The following DMXL1 variants were observed in gnomAD, a reference collection of about 807,000 sequenced individuals.
The protein encoded by DMXL1 is Dmx like 1, also known as dmX-like protein 1.
In DMXL1, 99 loss-of-function variants were observed where a neutral mutation model predicts 319.2. The ratio of observed to expected loss-of-function variants is 0.31; its 90% CI spans 0.26 to 0.37. The LOEUF (loss-of-function observed/expected upper bound fraction) is 0.37. DMXL1 is among the 10% of genes least tolerant of loss of function. DMXL1 has a pLI of 1.00. For synonymous variants in DMXL1, 1,385 were observed against 1,235.2 expected (o/e 1.12, Z -2.54); for missense variants, 3,745 against 3,595.6 (o/e 1.04, Z -1.06).
intron 10 of DMXL1, among the ~76,000 whole-genome samples, chr5:119,131,105 G>A (rs1398221869): frequency 7.0e-6 from 1 of 143,370 alleles, no homozygotes; most frequent in African/African-American, 2.6e-5. Flanking sequence ...TTATATTTTT[G>A]CCCTTCTGTG....
At chr5:119,078,437 AT>A (rs1380005014) in intron 1 of DMXL1, among the ~76,000 whole-genome samples, 1 of 152,030 alleles carries the variant, frequency 6.6e-6, no homozygotes, top group African/African-American at 2.4e-5. Flanking sequence ...CTTAGCACAT[AT>A]TTGTGAGATA....
At chr5:119,150,485 T>G (rs1246519263) in intron 18 of DMXL1, 64 bp downstream of exon 18, 29 of 1,484,690 alleles carry the variant, frequency 2.0e-5, no homozygotes, top group South Asian at 1.7e-4. Flanking sequence ...TTTTAAATAA[T>G]TTTTATTAAA....
intron 1 of DMXL1, among the ~76,000 whole-genome samples, chr5:119,094,632 A>G (rs1755523588): frequency 2.0e-5 from 3 of 152,224 alleles, no homozygotes; most frequent in Non-Finnish European, 4.4e-5. Context: ...TATAGCTGCT[A>G]TAGATAATGA....
chr5:119,234,398 G>A (rs73790997), intron 39 of DMXL1, among the ~76,000 whole-genome samples: 2,740 of 152,126 alleles, frequency 0.018, 84 homozygotes, highest in African/African-American at 0.062. Flanking sequence ...TCTAACTGAT[G>A]GTTCACCTTG....
In DMXL1 at chr5:119,071,459, C is replaced by A; in HGVS notation, c.-111C>A. On this transcript the variant is annotated 5_prime_UTR_variant, in exon 1 of 44. Transcript: ENST00000539542. ...CTCCAGGCGCCTGTCGCTGCTTCTGCCGTCGCCACCGAAGAGCGGCCGCCG... is the reference window on the plus strand; with the variant it reads ...CTCCAGGCGCCTGTCGCTGCTTCTGACGTCGCCACCGAAGAGCGGCCGCCG... 1.9e-6 allele frequency: 2 copies of A among 1,075,694 alleles called. No individual in the cohort carries two copies. The highest frequency in any genetic ancestry group is 1.4e-6 in the Non-Finnish European group (1 of 724,530). The allele number at this position is 1,075,694 out of a possible 1,614,324, so 66.6% of individuals were successfully genotyped here.
At chr5:119,156,863 A>T (rs1210345226) in intron 19 of DMXL1, among the ~76,000 whole-genome samples, 2 of 152,068 alleles carry the variant, frequency 1.3e-5, no homozygotes, top group East Asian at 3.9e-4. Context: ...CTGATAATAG[A>T]CATTCTAGCA....
intron 5 of DMXL1, among the ~76,000 whole-genome samples, chr5:119,111,329 G>T (rs1759544046): frequency 1.3e-5 from 2 of 152,110 alleles, no homozygotes; most frequent in South Asian, 2.1e-4. Context: ...TCCAAATTGA[G>T]ATGTGCTGGA....
chr5:119,077,754 A>AGTGTTTGTGTGT (rs376449707), intron 1 of DMXL1, among the ~76,000 whole-genome samples: 19 of 125,336 alleles, frequency 1.5e-4, no homozygotes, highest in South Asian at 5.1e-4. Context: ...TTATTTTTTA[A>AGTGTTTGTGTGT]GTGTGTGTGT....
rs372954667 is a variant in DMXL1 at position 119,205,275 on chromosome 5, A to G, written c.7864-1559A>G. Among the ~76,000 whole-genome samples the G allele has an allele frequency of 8.5e-4, 129 of 152,290 alleles. 2 individuals are homozygous for G. Among genetic ancestry groups the G allele is most frequent in the African/African-American group, 3.0e-3 (126 of 41,582 alleles). ...AACAATACAAAAAAACTATTGAGCC[A>G]TTAGATTGTCTAGTTGATTCAGGAA... On this transcript the variant is annotated intron_variant, in intron 33 of 43. Coordinates refer to ENST00000539542, the MANE Select transcript of DMXL1 (RefSeq NM_001290321.3).
intron 1 of DMXL1, among the ~76,000 whole-genome samples, chr5:119,085,255 C>T (rs372104406): frequency 6.6e-6 from 1 of 151,814 alleles, no homozygotes; most frequent in South Asian, 2.1e-4. Context: ...CGCTTGAACC[C>T]GGGAGGCAGA....
intron 1 of DMXL1, among the ~76,000 whole-genome samples, chr5:119,087,890 C>G (rs1420008686): frequency 6.6e-6 from 1 of 152,190 alleles, no homozygotes; most frequent in Non-Finnish European, 1.5e-5. Context: ...CACCCTCTGC[C>G]TCCCAGGTTC....
At chr5:119,147,759 C>T (rs750741457) in intron 17 of DMXL1, among the ~76,000 whole-genome samples, 1 of 152,128 alleles carries the variant, frequency 6.6e-6, no homozygotes, top group African/African-American at 2.4e-5. Flanking sequence ...CTAAGTTGTA[C>T]TTTATTTGCA....
At chr5:119,115,498 T>A (rs887069474) in intron 6 of DMXL1, among the ~76,000 whole-genome samples, 1 of 152,234 alleles carries the variant, frequency 6.6e-6, no homozygotes, top group Non-Finnish European at 1.5e-5. Flanking sequence ...TTCTGCAAAC[T>A]AAGAGTGTAA....
At chr5:119,193,194 C>T in intron 29 of DMXL1, among the ~76,000 whole-genome samples, 1 of 152,122 alleles carries the variant, frequency 6.6e-6, no homozygotes, top group Non-Finnish European at 1.5e-5. Flanking sequence ...GTGGCATTCC[C>T]TTACATTCCT....
At chr5:119,116,529 C>T (rs916744118) in intron 7 of DMXL1, among the ~76,000 whole-genome samples, 193 bp downstream of exon 7, 6 of 152,202 alleles carry the variant, frequency 3.9e-5, no homozygotes, top group East Asian at 1.9e-4. Context: ...GGATAAGAGC[C>T]GTATTAAAGG....
At chr5:119,205,872 A>T (rs1781653508) in intron 33 of DMXL1, among the ~76,000 whole-genome samples, 2 of 152,132 alleles carry the variant, frequency 1.3e-5, no homozygotes, top group African/African-American at 2.4e-5. Flanking sequence ...GATTATGCTT[A>T]AATATTTTAG....
Position 119,098,064 on chromosome 5 carries a change from T to C in DMXL1, c.173T>C (p.Ile58Thr), listed in dbSNP as rs1220444185. Reference sequence around the variant, plus strand: ...ATCCCAGGAGCTAAACATGGAAATATTCAAGTGGGATGTGTAGACTGTTCA... The same window carrying C: ...ATCCCAGGAGCTAAACATGGAAATACTCAAGTGGGATGTGTAGACTGTTCA... ...QIIPGAKHGN[I>T]QVGCVDCSMQ... Residue 58 changes from isoleucine to threonine, a missense_variant, in exon 2 of 44, where the codon ATT (isoleucine) becomes ACT (threonine). Physicochemically the swap from Ile to Thr is moderately conservative, Grantham distance 89 (BLOSUM62 -1). Transcript: ENST00000539542. 4 of 1,608,564 alleles carry C rather than the reference T, an allele frequency of 2.5e-6. No homozygotes were observed. Among genetic ancestry groups the C allele is most frequent in the South Asian group, 1.1e-5 (1 of 89,416 alleles).
rs147828464 is a variant in DMXL1 at position 119,215,899 on chromosome 5, C to T, written c.7927-1002C>T. Among the ~76,000 whole-genome samples, 835 of 151,848 alleles carry T rather than the reference C, an allele frequency of 5.5e-3. 4 individuals carry two copies. Among genetic ancestry groups the T allele is most frequent in the Non-Finnish European group, 8.6e-3 (584 of 67,932 alleles). ...TCACCTGAAGTCTGGAGTTCCAGAC[C>T]AGCCTGGCCAAAATGGTGAAACCCT... On this transcript the variant is annotated intron_variant, in intron 34 of 43. Transcript: ENST00000539542.
intron 5 of DMXL1, 112 bp from the exon 6 acceptor site, chr5:119,114,363 C>T (rs1760343062): frequency 3.9e-6 from 3 of 760,290 alleles, no homozygotes; most frequent in Non-Finnish European, 6.6e-6. Flanking sequence ...GGGTGTGAAA[C>T]TTATAACATT....
Sources: allele counts gnomAD v4.1 joint callset (sites outside exome capture counted in the v4.1 genomes callset), GRCh38; gene constraint gnomAD v4.1.1; transcripts MANE v1.5; gene names NCBI Gene and HGNC (gene_info 2026-07-23, HGNC 2026-07-21).